SMAD6: variants seen among roughly 807,000 people sequenced by gnomAD.
SMAD6 encodes the protein SMAD family member 6, also known as MAD homolog 6.
In SMAD6, 103 loss-of-function variants were observed where a neutral mutation model predicts 39.4. The observed-to-expected ratio is 2.62, with a 90% CI of 2.23 to 3.08. The LOEUF is 3.08. SMAD6 is among the 30% of genes most tolerant of loss of function. The probability of loss-of-function intolerance (pLI) is 0.00; values close to 1 mark genes in which losing one functional copy is unlikely to be tolerated. For synonymous variants in SMAD6, 445 were observed against 353.3 expected, an observed-to-expected ratio of 1.26 and a Z score of -2.91; for missense variants, 1,104 against 742.9, an observed-to-expected ratio of 1.49 and a Z score of -5.65.
At chr15:66,746,037 T>C (rs2140641630) in intron 3 of SMAD6, among the ~76,000 whole-genome samples, 1 of 152,208 alleles carries the variant, frequency 6.6e-6, no homozygotes, top group East Asian at 1.9e-4. Context: ...TGGGCCCGGA[T>C]AAGAGGCCGA....
In SMAD6 at chr15:66,703,559, G is replaced by C. The variant is rs1433694123; in HGVS notation, c.301G>C (p.Gly101Arg). The C allele has an allele frequency of 8.2e-7, 1 of 1,223,410 alleles. No homozygotes were observed. Among genetic ancestry groups the C allele is most frequent in the Admixed American group, 4.4e-5 (1 of 22,962 alleles). The allele number at this position is 1,223,410 out of a possible 1,614,324, so 75.8% of individuals were successfully genotyped here. ...RPMSEPGAGA[G>R]SSLLDVAEPG... ...CATGTCGGAGCCAGGGGCCGGCGCT[G>C]GGAGCTCCCTGCTGGACGTGGCGGA... is the stretch of plus-strand genomic sequence containing the variant. The change falls in exon 1 of 4, where the codon GGG (glycine) becomes CGG (arginine). Residue 101 changes from glycine (G) to arginine (R), a missense_variant. By Grantham distance (125) the Gly-to-Arg change is moderately radical. Coordinates refer to ENST00000288840, the MANE Select transcript of SMAD6 (RefSeq NM_005585.5).
At chr15:66,776,369 T>C (rs1025731273) in intron 3 of SMAD6, among the ~76,000 whole-genome samples, 1 of 152,224 alleles carries the variant, frequency 6.6e-6, no homozygotes, top group Admixed American at 6.5e-5. Flanking sequence ...TGCCAGAGTT[T>C]CCAGAAAATT....
At chr15:66,741,108 T>G (rs1893806020) in intron 3 of SMAD6, 1 of 152,096 alleles carries the variant, frequency 6.6e-6, no homozygotes, top group South Asian at 2.1e-4. Context: ...TGGAAATAAT[T>G]CGTGTTTAAA....
chr15:66,717,136 G>A, intron 3 of SMAD6: 1 of 1,288,262 alleles, frequency 7.8e-7, no homozygotes, highest in East Asian at 5.6e-5. Flanking sequence ...CTTGAGAAAT[G>A]AGAGGTTGGT....
At chr15:66,744,094 G>A (rs545557161) in intron 3 of SMAD6, among the ~76,000 whole-genome samples, 2 of 152,290 alleles carry the variant, frequency 1.3e-5, no homozygotes, top group Admixed American at 6.5e-5. Context: ...TAAGGTCAGA[G>A]TGCCCTCCGG....
At chr15:66,748,117 A>G (rs1482993155) in intron 3 of SMAD6, among the ~76,000 whole-genome samples, 1 of 152,142 alleles carries the variant, frequency 6.6e-6, no homozygotes, top group Non-Finnish European at 1.5e-5. Context: ...AGACCTTAAG[A>G]TTACTTATGG....
At chr15:66,709,634 G>A (rs1412583403) in intron 1 of SMAD6, among the ~76,000 whole-genome samples, 2 of 152,236 alleles carry the variant, frequency 1.3e-5, no homozygotes, top group African/African-American at 2.4e-5. Flanking sequence ...TTTTGCAAAA[G>A]TAACCCTAAG....
rs76538839 is a variant in SMAD6, at chr15:66,710,480, C to T, written c.818-1188C>T. On this transcript the variant is annotated intron_variant, in intron 1 of 3. Coordinates refer to ENST00000288840, the MANE Select transcript of SMAD6 (RefSeq NM_005585.5). The stretch of plus-strand genomic sequence containing the variant: ...AAGCCGGGGTGGGGAAGAGGTGAGG[C>T]CTCATTGGGTGTATGGAGCAAAACA... 2.3e-3 allele frequency among the ~76,000 whole-genome samples: 345 copies of T among 152,214 alleles called. 1 individual carries two copies. The highest frequency in any genetic ancestry group is 7.9e-3 in the African/African-American group (327 of 41,524).
At chr15:66,748,807 A>G (rs776631107) in intron 3 of SMAD6, among the ~76,000 whole-genome samples, 2 of 152,142 alleles carry the variant, frequency 1.3e-5, no homozygotes, top group Admixed American at 6.5e-5. Flanking sequence ...TTTTAAAGCT[A>G]TAGGGAGAGA....
At chr15:66,708,178 C>T (rs1893156694) in intron 1 of SMAD6, 3 of 152,386 alleles carry the variant, frequency 2.0e-5, no homozygotes, top group Admixed American at 6.5e-5. Context: ...ACCAGGTCCA[C>T]TTCTTTCAGA....
chr15:66,771,575 C>T (rs1427599559), intron 3 of SMAD6, among the ~76,000 whole-genome samples: 6 of 152,132 alleles, frequency 3.9e-5, no homozygotes, highest in African/African-American at 1.4e-4. Context: ...ACTCCTAAAC[C>T]CCTCCTGCGA....
chr15:66,714,650 C>T (rs1355712828), intron 2 of SMAD6, among the ~76,000 whole-genome samples: 1 of 152,186 alleles, frequency 6.6e-6, no homozygotes, highest in Non-Finnish European at 1.5e-5. Context: ...GGACCTGAAC[C>T]TGGAGCTCCA....
chr15:66,754,765 G>C (rs1894068223), intron 3 of SMAD6, among the ~76,000 whole-genome samples: 1 of 152,190 alleles, frequency 6.6e-6, no homozygotes, highest in Non-Finnish European at 1.5e-5. Context: ...TCAGAGGAAA[G>C]TTACCCCAAC....
intron 3 of SMAD6, among the ~76,000 whole-genome samples, chr15:66,752,403 A>T (rs1350093116): frequency 6.6e-6 from 1 of 152,166 alleles, no homozygotes; most frequent in Non-Finnish European, 1.5e-5. Flanking sequence ...TTCTTCCACT[A>T]GGATAGATGG....
At chr15:66,780,947 C>G (rs1358506054) in intron 3 of SMAD6, 50 bp from the exon 4 acceptor site, 1 of 1,494,726 alleles carries the variant, frequency 6.7e-7, no homozygotes. Context: ...CTCGGTGCCT[C>G]CCACCTCCCC....
rs777427936 is a variant in SMAD6 at position 66,703,427 on chromosome 15, C to A, written c.169C>A (p.Arg57Ser). The change falls in exon 1 of 4, where the codon CGC becomes AGC. Residue 57 changes from arginine to serine, a missense_variant. Arg to Ser is a moderately radical substitution (Grantham distance 110). Transcript: ENST00000288840. The part of the protein sequence containing the change: ...PRAREGGGCG[R>S]SEVRPVAPRR... ...GGCAAGAGAGGGCGGAGGCTGCGGC[C>A]GCTCCGAAGTCCGCCCGGTAGCCCC... 7.7e-7 allele frequency: 1 copy of A among 1,301,864 alleles called. No individual in the cohort carries two copies. Among genetic ancestry groups the A allele is most frequent in the Non-Finnish European group, 9.8e-7 (1 of 1,022,534 alleles). 80.6% of individuals were successfully genotyped at this position (1,301,864 alleles called of 1,614,324 possible).
At chr15:66,776,101 G>C (rs1172062816) in intron 3 of SMAD6, among the ~76,000 whole-genome samples, 1 of 152,238 alleles carries the variant, frequency 6.6e-6, no homozygotes, top group Non-Finnish European at 1.5e-5. Flanking sequence ...GACATTTGTT[G>C]CTTCATTCTT....
chr15:66,754,752 AG>A (rs1894067980), intron 3 of SMAD6, among the ~76,000 whole-genome samples: 1 of 152,204 alleles, frequency 6.6e-6, no homozygotes, highest in East Asian at 1.9e-4. Flanking sequence ...GATTCACTGC[AG>A]CTCAGAGGAA....
chr15:66,767,482 A>C (rs1004960373), intron 3 of SMAD6, among the ~76,000 whole-genome samples: 3 of 152,152 alleles, frequency 2.0e-5, no homozygotes, highest in Non-Finnish European at 2.9e-5. Flanking sequence ...GTAACAAGCC[A>C]GCTCTTTCCT....
Sources: gnomAD v4.1 joint callset for allele counts (sites outside exome capture counted in the v4.1 genomes callset) on GRCh38, gnomAD v4.1.1 for gene constraint, MANE v1.5 for transcripts, NCBI Gene and HGNC (gene_info 2026-07-23, HGNC 2026-07-21) for gene names.